The following PCBP3 variants were observed in gnomAD, a reference collection of about 807,000 sequenced individuals.
The protein encoded by PCBP3 is poly(rC)-binding protein 3.
A neutral mutation model predicts 52.7 loss-of-function variants in PCBP3; 25 were observed. That is an observed-to-expected ratio of 0.47 (90% confidence interval 0.35 to 0.66). PCBP3 has a LOEUF of 0.66. Ranked by LOEUF, PCBP3 falls within the 30% of genes least tolerant of loss-of-function variation. The pLI is 0.01. For missense variants in PCBP3, 391 were observed against 490.3 expected (o/e 0.80, Z 1.91); for synonymous variants, 162 against 183.0 (o/e 0.89, Z 0.93).
intron 4 of PCBP3, among the ~76,000 whole-genome samples, chr21:45,806,932 G>C (rs1423551306): frequency 1.3e-5 from 2 of 152,168 alleles, no homozygotes; most frequent in East Asian, 1.9e-4. Context: ...CTCACTCTCT[G>C]TGGACACTGC....
chr21:45,682,751 G>A (rs897913446), intron 2 of PCBP3, among the ~76,000 whole-genome samples: 2 of 152,232 alleles, frequency 1.3e-5, no homozygotes, highest in East Asian at 1.9e-4. Context: ...AGGGGGAACA[G>A]AAGGATGATT....
At chr21:45,708,573 A>G (rs183384333) in intron 2 of PCBP3, among the ~76,000 whole-genome samples, 121 of 152,376 alleles carry the variant, frequency 7.9e-4, no homozygotes, top group African/African-American at 2.7e-3. Context: ...ATAGCTTCAT[A>G]TAAGCAAACT....
At chr21:45,868,001 G>A (rs1351381560) in intron 5 of PCBP3, among the ~76,000 whole-genome samples, 1 of 152,280 alleles carries the variant, frequency 6.6e-6, no homozygotes, top group East Asian at 1.9e-4. Context: ...TGCTGAAGAG[G>A]CCACAGGAGG....
At chr21:45,705,063 CTG>C (rs1437241735) in intron 2 of PCBP3, among the ~76,000 whole-genome samples, 2 of 152,230 alleles carry the variant, frequency 1.3e-5, no homozygotes, top group Admixed American at 6.5e-5. Flanking sequence ...AGCTCTCTCT[CTG>C]GGCCCAGCCG....
At chr21:45,703,228 TG>T (rs1227496585) in intron 2 of PCBP3, among the ~76,000 whole-genome samples, 1 of 152,266 alleles carries the variant, frequency 6.6e-6, no homozygotes, top group Admixed American at 6.5e-5. Flanking sequence ...GAGTCACAAA[TG>T]TTCTTAATGA....
intron 4 of PCBP3, among the ~76,000 whole-genome samples, chr21:45,806,211 G>A (rs1416405635): frequency 2.0e-5 from 3 of 152,224 alleles, no homozygotes; most frequent in Non-Finnish European, 4.4e-5. Context: ...GTGCGGACAA[G>A]TGGCTGTACT....
At chr21:45,767,640 G>T (rs1293844513) in intron 4 of PCBP3, among the ~76,000 whole-genome samples, 1 of 152,232 alleles carries the variant, frequency 6.6e-6, no homozygotes, top group Non-Finnish European at 1.5e-5. Context: ...TTGCCTTCTT[G>T]AGGTGGCACT....
rs1157328994 is a variant in PCBP3, at chr21:45,837,015, G to T, written c.-125-12946G>T. 6.6e-6 allele frequency among the ~76,000 whole-genome samples: 1 copy of T among 152,110 alleles called. No homozygotes were observed. Among genetic ancestry groups the T allele is most frequent in the Non-Finnish European group, 1.5e-5 (1 of 68,020 alleles). ...GTGGACATTCCTGTGTGTTTCTTTT[G>T]GTGCACACATGAGGTGTTTTTGGTT... On this transcript the variant is annotated intron_variant, in intron 4 of 17. Coordinates refer to ENST00000681687, the MANE Select transcript of PCBP3 (RefSeq NM_001384156.1). This position sits in a 1 kb window ranked among gnomAD's most constrained non-coding sequence, Gnocchi z 4.1.
Position 45,904,190 on chromosome 21 carries a change from A to T in PCBP3, c.339+3077A>T, listed in dbSNP as rs759043415. On this transcript the variant is annotated intron_variant, in intron 9 of 17. Transcript: ENST00000681687. The surrounding 1 kb of genome is among the most constrained non-coding windows in gnomAD (Gnocchi z 4.8). ...AGTCATTTGTCATCTCTGCCGCAGC[A>T]GGGCAGAGTCGAGTATCAGGAATTC... is the stretch of plus-strand genomic sequence containing the variant. Among the ~76,000 whole-genome samples, 2 of 152,210 alleles carry T rather than the reference A, an allele frequency of 1.3e-5. No homozygotes were observed. The highest frequency in any genetic ancestry group is 2.9e-5 in the Non-Finnish European group (2 of 68,032).
At chr21:45,886,193 C>T (rs9984434) in intron 5 of PCBP3, among the ~76,000 whole-genome samples, 51,397 of 77,026 alleles carry the variant, frequency 0.67, 16,507 homozygotes, top group East Asian at 0.96. Flanking sequence ...GGGCAGAGGA[C>T]GTGGTGAGGT....
intron 9 of PCBP3, among the ~76,000 whole-genome samples, chr21:45,905,608 T>G (rs2096182779): frequency 6.6e-6 from 1 of 152,234 alleles, no homozygotes; most frequent in South Asian, 2.1e-4. Context: ...AAGTCTCAGA[T>G]GGAGGTGCCA....
chr21:45,702,271 A>G (rs1003390249), intron 2 of PCBP3, among the ~76,000 whole-genome samples: 2 of 152,324 alleles, frequency 1.3e-5, no homozygotes, highest in Non-Finnish European at 2.9e-5. Context: ...TTTTCATAAC[A>G]TGCATTAGTC....
At chr21:45,922,137 G>A (rs1024906573) in intron 13 of PCBP3, among the ~76,000 whole-genome samples, 8 of 152,204 alleles carry the variant, frequency 5.3e-5, no homozygotes, top group East Asian at 1.9e-4. Flanking sequence ...GAGCAGAGCC[G>A]AGAGCGCCCA....
chr21:45,789,899 G>A (rs2091426069), intron 4 of PCBP3, among the ~76,000 whole-genome samples: 1 of 152,188 alleles, frequency 6.6e-6, no homozygotes, highest in Non-Finnish European at 1.5e-5. Context: ...CACCACTTTG[G>A]GAGGCCGAGA....
chr21:45,939,001 T>C (rs9975850), intron 16 of PCBP3, among the ~76,000 whole-genome samples: 10,182 of 152,278 alleles, frequency 0.067, 865 homozygotes, highest in African/African-American at 0.19. Context: ...TCCAGCGTCT[T>C]ACTGGTGTAA....
chr21:45,768,806 T>G (rs1301499701), intron 4 of PCBP3, among the ~76,000 whole-genome samples: 1 of 152,236 alleles, frequency 6.6e-6, no homozygotes, highest in Non-Finnish European at 1.5e-5. Flanking sequence ...GCTGAGGACG[T>G]GCTGTGCCTG....
chr21:45,698,245 C>T (rs2082906049), intron 2 of PCBP3, among the ~76,000 whole-genome samples: 1 of 152,088 alleles, frequency 6.6e-6, no homozygotes. Flanking sequence ...CCAAAGTGCC[C>T]ACCTCTCTGA....
chr21:45,718,584 G>A (rs2084390391), intron 2 of PCBP3, among the ~76,000 whole-genome samples: 1 of 152,006 alleles, frequency 6.6e-6, no homozygotes, highest in African/African-American at 2.4e-5. Context: ...GGAAGGGGAT[G>A]GAAGTAGGGT....
intron 5 of PCBP3, among the ~76,000 whole-genome samples, chr21:45,887,666 G>A (rs1294790600): frequency 6.6e-6 from 1 of 152,178 alleles, no homozygotes; most frequent in Admixed American, 6.5e-5. Context: ...CGCCATTCCG[G>A]GCACCTACTT....
Sources: gnomAD v4.1 joint callset for allele counts (sites outside exome capture counted in the v4.1 genomes callset) on GRCh38, gnomAD v4.1.1 for gene constraint, Gnocchi (gnomAD v3.1) non-coding constraint, MANE v1.5 for transcripts, NCBI Gene and HGNC (gene_info 2026-07-23, HGNC 2026-07-21) for gene names.